Variants in MAPK10 observed in about 807,000 individuals in gnomAD.
MAPK10 encodes the protein mitogen-activated protein kinase 10, also known as JNK3 alpha protein kinase.
A neutral mutation model predicts 59.3 loss-of-function variants in MAPK10; 25 were observed. That is an observed-to-expected ratio of 0.42 (90% CI 0.31 to 0.59). The LOEUF (loss-of-function observed/expected upper bound fraction) is 0.59. MAPK10 is among the 20% of genes least tolerant of loss of function. The pLI is 0.15. For synonymous variants in MAPK10, 190 were observed against 200.5 expected (o/e 0.95, Z 0.44); for missense variants, 351 against 568.9 (o/e 0.62, Z 3.90).
At chr4:86,221,411 T>C (rs2089538681) in intron 2 of MAPK10, among the ~76,000 whole-genome samples, 1 of 151,922 alleles carries the variant, frequency 6.6e-6, no homozygotes, top group Non-Finnish European at 1.5e-5. Flanking sequence ...TTATAGACAA[T>C]AAAGGAGGCA....
chr4:86,115,819 C>T (rs2058218060), intron 4 of MAPK10, among the ~76,000 whole-genome samples: 1 of 152,174 alleles, frequency 6.6e-6, no homozygotes, highest in South Asian at 2.1e-4. Context: ...CCTATTGACT[C>T]ACAGTGAGCC....
chr4:86,131,487 T>C (rs895217562), intron 4 of MAPK10, among the ~76,000 whole-genome samples: 1 of 152,190 alleles, frequency 6.6e-6, no homozygotes, highest in South Asian at 2.1e-4. Context: ...TATCCTAGCA[T>C]CTGGACTAAT....
intron 1 of MAPK10, among the ~76,000 whole-genome samples, chr4:86,355,521 T>C (rs1733984485): frequency 6.6e-6 from 1 of 152,128 alleles, no homozygotes; most frequent in African/African-American, 2.4e-5. Flanking sequence ...CCATCTTTAT[T>C]GTTATTTAGC....
At chr4:86,074,776 T>C (rs946436997) in intron 9 of MAPK10, among the ~76,000 whole-genome samples, 1 of 131,392 alleles carries the variant, frequency 7.6e-6, no homozygotes, top group African/African-American at 3.1e-5. Context: ...GTTAGTCTGA[T>C]GGGCTTCCCT....
chr4:86,262,889 G>A (rs569541826), intron 2 of MAPK10, among the ~76,000 whole-genome samples: 4 of 152,274 alleles, frequency 2.6e-5, no homozygotes, highest in Middle Eastern at 3.4e-3. Flanking sequence ...TCTGTGTCCA[G>A]GAGGCTGGGC....
intron 2 of MAPK10, among the ~76,000 whole-genome samples, chr4:86,315,006 A>G (rs1217223915): frequency 6.6e-6 from 1 of 152,192 alleles, no homozygotes; most frequent in Non-Finnish European, 1.5e-5. Flanking sequence ...AATACTTTTA[A>G]AAAATTCTAA....
intron 9 of MAPK10, among the ~76,000 whole-genome samples, chr4:86,074,699 T>C (rs1479295849): frequency 1.4e-5 from 2 of 144,922 alleles, no homozygotes; most frequent in Non-Finnish European, 3.0e-5. Context: ...AATTCTTTTC[T>C]TTAAGAATGT....
At chr4:86,096,907 A>G (rs2054325798) in intron 9 of MAPK10, among the ~76,000 whole-genome samples, 2 of 151,904 alleles carry the variant, frequency 1.3e-5, no homozygotes, top group African/African-American at 4.8e-5. Context: ...GAGATTCAAG[A>G]CCTTAAGATT....
chr4:86,091,937 G>T (rs1200193496), intron 9 of MAPK10, among the ~76,000 whole-genome samples: 2 of 152,066 alleles, frequency 1.3e-5, no homozygotes, highest in African/African-American at 4.8e-5. Flanking sequence ...CTCCCAAAGT[G>T]CTGGGATTAC....
intron 9 of MAPK10, among the ~76,000 whole-genome samples, chr4:86,085,462 A>C (rs1379153775): frequency 1.3e-5 from 2 of 152,218 alleles, no homozygotes; most frequent in African/African-American, 2.4e-5. Context: ...CTCTCAGAAG[A>C]AGATATGCAA....
intron 2 of MAPK10, among the ~76,000 whole-genome samples, chr4:86,203,347 C>T (rs959189903): frequency 6.6e-6 from 1 of 151,832 alleles, no homozygotes. Context: ...GATAATGTAA[C>T]TATGACGTGT....
intron 4 of MAPK10, among the ~76,000 whole-genome samples, chr4:86,154,011 GA>G: frequency 6.6e-6 from 1 of 152,260 alleles, no homozygotes; most frequent in African/African-American, 2.4e-5. Flanking sequence ...GGGCTAAATG[GA>G]AATGTGTGAT....
At chr4:86,525,568 G>T (rs1329215715) in intron 1 of MAPK10, among the ~76,000 whole-genome samples, 1 of 152,092 alleles carries the variant, frequency 6.6e-6, no homozygotes, top group African/African-American at 2.4e-5. Context: ...TTCCCTCACT[G>T]TACAAAGTAG....
intron 3 of MAPK10, among the ~76,000 whole-genome samples, chr4:86,161,814 C>T (rs76605625): frequency 0.011 from 1,692 of 152,108 alleles, 32 homozygotes; most frequent in African/African-American, 0.039. Context: ...CTTTGTGTTC[C>T]AGACTCCTGA....
chr4:86,411,393 A>G (rs1238084876), intron 1 of MAPK10, among the ~76,000 whole-genome samples: 1 of 152,158 alleles, frequency 6.6e-6, no homozygotes, highest in Non-Finnish European at 1.5e-5. Context: ...TTTGGGGTGG[A>G]GAGTTGTGTA....
upstream of MAPK10, among the ~76,000 whole-genome samples, chr4:86,455,327 C>A (rs1432334295): frequency 3.3e-5 from 5 of 152,250 alleles, no homozygotes; most frequent in East Asian, 9.6e-4. Context: ...AATGCACCAT[C>A]TAAAAGACAC....
At chr4:86,059,557 T>A (rs2045318244) in intron 11 of MAPK10, among the ~76,000 whole-genome samples, 1 of 152,150 alleles carries the variant, frequency 6.6e-6, no homozygotes, top group Non-Finnish European at 1.5e-5. Flanking sequence ...AATCTGAAGA[T>A]CATGTTGTTT....
intron 1 of MAPK10, among the ~76,000 whole-genome samples, chr4:86,473,056 C>T (rs1752784073): frequency 6.6e-6 from 1 of 152,208 alleles, no homozygotes; most frequent in Non-Finnish European, 1.5e-5. Flanking sequence ...AGAACCTGGA[C>T]ACTCTCCACT....
At chr4:86,512,375 A>G (rs1579442953) in intron 1 of MAPK10, among the ~76,000 whole-genome samples, 1 of 152,196 alleles carries the variant, frequency 6.6e-6, no homozygotes, top group East Asian at 1.9e-4. Flanking sequence ...CTGGAATATC[A>G]TATTTGAGAA....
Sources: gnomAD v4.1 joint callset for allele counts (sites outside exome capture counted in the v4.1 genomes callset) on GRCh38, gnomAD v4.1.1 for gene constraint, MANE v1.5 for transcripts, NCBI Gene and HGNC (gene_info 2026-07-23, HGNC 2026-07-21) for gene names.